LPP: variants seen among roughly 807,000 people sequenced by gnomAD.
LPP encodes the protein LIM domain containing preferred translocation partner in lipoma.
In LPP, 38 loss-of-function variants were observed where a neutral mutation model predicts 60.4. That is an observed-to-expected ratio of 0.63 (90% CI 0.49 to 0.83). The LOEUF (loss-of-function observed/expected upper bound fraction) is 0.83. Among genes scored for constraint, LPP ranks in the 40% least tolerant of loss-of-function variants. The pLI, the probability that LPP is intolerant of heterozygous loss-of-function variation, is 0.00. For synonymous variants in LPP, 328 were observed against 290.8 expected, an observed-to-expected ratio of 1.13 and a Z score of -1.30; for missense variants, 902 against 783.6, an observed-to-expected ratio of 1.15 and a Z score of -1.80.
chr3:188,384,218 C>T (rs1777606688), intron 3 of LPP, among the ~76,000 whole-genome samples: 1 of 152,020 alleles, frequency 6.6e-6, no homozygotes, highest in Non-Finnish European at 1.5e-5. Flanking sequence ...TTTATGCCTT[C>T]TTTCTTTATT....
intron 3 of LPP, among the ~76,000 whole-genome samples, chr3:188,387,961 G>A (rs1172301154): frequency 1.3e-5 from 2 of 151,702 alleles, no homozygotes; most frequent in Admixed American, 1.3e-4. Context: ...ATGTGTGAGT[G>A]AGTCAGCATC....
intron 3 of LPP, among the ~76,000 whole-genome samples, chr3:188,347,252 G>A (rs949949120): frequency 2.6e-5 from 4 of 152,120 alleles, no homozygotes; most frequent in Non-Finnish European, 5.9e-5. Context: ...TGGTAGATGG[G>A]CCCCAGAGGA....
chr3:188,218,353 A>G (rs887095546), intron 1 of LPP, among the ~76,000 whole-genome samples: 2 of 152,186 alleles, frequency 1.3e-5, no homozygotes, highest in Non-Finnish European at 2.9e-5. Context: ...AGAGAATCCA[A>G]AATTCTGACC....
intron 5 of LPP, among the ~76,000 whole-genome samples, chr3:188,520,506 G>C (rs1386184169): frequency 6.6e-6 from 1 of 152,168 alleles, no homozygotes; most frequent in Non-Finnish European, 1.5e-5. Context: ...CTCCCACACG[G>C]TCCTGCCCAC....
chr3:188,289,366 C>G (rs1049800773), intron 2 of LPP, among the ~76,000 whole-genome samples: 2 of 152,112 alleles, frequency 1.3e-5, no homozygotes, highest in African/African-American at 4.8e-5. Flanking sequence ...AACAGGAACT[C>G]TAGTAGGATT....
chr3:188,672,098 A>G (rs1857067972), intron 7 of LPP, among the ~76,000 whole-genome samples: 1 of 152,216 alleles, frequency 6.6e-6, no homozygotes, highest in South Asian at 2.1e-4. Flanking sequence ...TTGAGGTATC[A>G]AACTGAACAA....
intron 9 of LPP, among the ~76,000 whole-genome samples, chr3:188,783,374 A>G (rs1308716219): frequency 1.3e-5 from 2 of 152,240 alleles, no homozygotes; most frequent in Admixed American, 1.3e-4. Flanking sequence ...CTAAGCAGCC[A>G]TAAAAAAGAA....
At chr3:188,575,804 G>A (rs1170578560) in intron 6 of LPP, among the ~76,000 whole-genome samples, 1 of 152,096 alleles carries the variant, frequency 6.6e-6, no homozygotes, top group Non-Finnish European at 1.5e-5. Flanking sequence ...TGAGAAATGG[G>A]TTCTCACCAG....
At chr3:188,679,013 A>G (rs938366182) in intron 7 of LPP, among the ~76,000 whole-genome samples, 4 of 152,186 alleles carry the variant, frequency 2.6e-5, no homozygotes, top group African/African-American at 7.2e-5. Flanking sequence ...TTAATAGGCA[A>G]CCCATAATAG....
At chr3:188,753,203 A>G (rs1450932384) in intron 8 of LPP, among the ~76,000 whole-genome samples, 2 of 152,218 alleles carry the variant, frequency 1.3e-5, no homozygotes, top group Non-Finnish European at 2.9e-5. Flanking sequence ...AAGGAGAATA[A>G]TTGGTTGGTA....
At chr3:188,290,063 C>T (rs1415238599) in intron 2 of LPP, among the ~76,000 whole-genome samples, 1 of 151,904 alleles carries the variant, frequency 6.6e-6, no homozygotes, top group African/African-American at 2.4e-5. Flanking sequence ...ACCTTGGCCT[C>T]CCGGGTTCAA....
intron 2 of LPP, among the ~76,000 whole-genome samples, chr3:188,300,419 G>A (rs187792923): frequency 2.5e-4 from 38 of 149,366 alleles, no homozygotes; most frequent in Admixed American, 2.3e-3. Context: ...ACCAAGAAAG[G>A]AACTTACTTT....
intron 8 of LPP, among the ~76,000 whole-genome samples, chr3:188,747,019 G>A (rs1202241819): frequency 6.6e-6 from 1 of 152,142 alleles, no homozygotes; most frequent in African/African-American, 2.4e-5. Context: ...AAAAACTGAA[G>A]ACTAGGACGG....
intron 9 of LPP, among the ~76,000 whole-genome samples, chr3:188,800,175 C>CTTTTT (rs35258838): frequency 6.0e-5 from 7 of 115,734 alleles, no homozygotes; most frequent in African/African-American, 1.8e-4. Flanking sequence ...AACATTGTTT[C>CTTTTT]TTTTTTTTTT....
In LPP at chr3:188,845,441, A is replaced by G. The variant is rs1490977275; in HGVS notation, c.1411-20759A>G. On this transcript the variant is annotated intron_variant, in intron 9 of 11. Coordinates refer to ENST00000617246, the MANE Select transcript of LPP (RefSeq NM_001375462.1). ...GGGCTTGAGGGAGGATTACTGAATTACAATAATATCCACACCGTAAAGTGA... is the reference window on the plus strand; with the variant it reads ...GGGCTTGAGGGAGGATTACTGAATTGCAATAATATCCACACCGTAAAGTGA... Among the ~76,000 whole-genome samples the G allele has an allele frequency of 3.3e-5, 5 of 152,336 alleles. No homozygotes were observed. The South Asian group carries it at 6.2e-4, about 19-fold the overall frequency.
Position 188,580,960 on chromosome 3 carries a change from G to C in LPP, c.430-28201G>C, listed in dbSNP as rs12497348. On this transcript the variant is annotated intron_variant, in intron 6 of 11. Transcript: ENST00000617246. ...TACTTCCAAGACCTTTCAACTGATTGAATCAGGCTCAACCAGGTTATCTAG... is the reference window on the plus strand; with the variant it reads ...TACTTCCAAGACCTTTCAACTGATTCAATCAGGCTCAACCAGGTTATCTAG... Among the ~76,000 whole-genome samples the C allele has an allele frequency of 7.2e-3, 1,090 of 152,032 alleles. 37 individuals are homozygous for C. The highest frequency in any genetic ancestry group is 0.062 in the Admixed American group (945 of 15,276).
rs60989319 is a variant in LPP at position 188,804,243 on chromosome 3, TTATATATATATATATATATATATA to T, written c.1410+43978_1410+44001del. On this transcript the variant is annotated intron_variant, in intron 9 of 11. Transcript: ENST00000617246. ...ATTATGTTTTCAATGTAGTGCATCT[TTATATATATATATATATATATATA>T]TATATATATATATATAAAATGGAAT... Among the ~76,000 whole-genome samples, 10 of 37,698 alleles carry T rather than the reference TTATATATATATATATATATATATA, an allele frequency of 2.7e-4. 1 individual carries two copies. The East Asian group carries it at 8.1e-3, about 30-fold the overall frequency. 24.7% of individuals were successfully genotyped at this position (37,698 alleles called of 152,430 possible). A position where few individuals can be genotyped will look rare whatever the true frequency, so the allele number is the denominator to read the frequency against.
intron 3 of LPP, among the ~76,000 whole-genome samples, chr3:188,386,264 G>GCGCACACA (rs1491588129): frequency 3.0e-5 from 3 of 99,260 alleles, no homozygotes; most frequent in African/African-American, 1.1e-4. Context: ...TAGCATGCGC[G>GCGCACACA]CACACACACA....
At chr3:188,192,301 C>T (rs1352161164) in intron 1 of LPP, among the ~76,000 whole-genome samples, 4 of 152,138 alleles carry the variant, frequency 2.6e-5, no homozygotes, top group South Asian at 4.1e-4. Context: ...TGGGCAAGAA[C>T]ACCAGTGTGT....
Sources: allele counts gnomAD v4.1 joint callset (sites outside exome capture counted in the v4.1 genomes callset), GRCh38; gene constraint gnomAD v4.1.1; transcripts MANE v1.5; gene names NCBI Gene and HGNC (gene_info 2026-07-23, HGNC 2026-07-21).